Variants in ZNF831 observed in about 807,000 individuals in gnomAD.
ZNF831 encodes the protein zinc finger protein 831.
Under a neutral mutation model 95.8 loss-of-function variants are expected in ZNF831, and 59 were observed. That is an observed-to-expected ratio of 0.62 (90% CI 0.50 to 0.77). The LOEUF (loss-of-function observed/expected upper bound fraction) is 0.77. ZNF831 is among the 30% of genes least tolerant of loss of function. The pLI is 0.00. For synonymous variants in ZNF831, 961 were observed against 925.5 expected (o/e 1.04, Z -0.70); for missense variants, 2,205 against 2,164.0 (o/e 1.02, Z -0.38).
chr20:59,247,211 T>A (rs1987656998), intron 4 of ZNF831, among the ~76,000 whole-genome samples: 1 of 152,248 alleles, frequency 6.6e-6, no homozygotes, highest in African/African-American at 2.4e-5. Context: ...GATGATTTAC[T>A]GTGTGCATAG....
At chr20:59,238,726 T>C (rs900201361) in intron 4 of ZNF831, among the ~76,000 whole-genome samples, 1 of 152,208 alleles carries the variant, frequency 6.6e-6, no homozygotes, top group African/African-American at 2.4e-5. Flanking sequence ...CAAGATGAGA[T>C]CTTATATACA....
rs1988286234 is a variant in ZNF831 at position 59,258,621 on chromosome 20, G to C, written c.*3878G>C. The C allele has an allele frequency of 1.3e-5, 2 of 152,444 alleles. No individual in the cohort carries two copies. Among genetic ancestry groups the C allele is most frequent in the African/African-American group, 2.4e-5 (1 of 41,412 alleles). 9.4% of individuals were successfully genotyped at this position (152,444 alleles called of 1,614,324 possible). On this transcript the variant is annotated 3_prime_UTR_variant, in exon 6 of 6. Coordinates refer to ENST00000371030, the MANE Select transcript of ZNF831 (RefSeq NM_178457.3). ...ATATTTCTACTGCTGCAGCAAGCTG[G>C]GCTTGTGTATTTTTCCTCACTTCAG...
chr20:59,151,180 T>C (rs1980211198), intron 2 of ZNF831, among the ~76,000 whole-genome samples: 1 of 151,836 alleles, frequency 6.6e-6, no homozygotes, highest in African/African-American at 2.4e-5. Flanking sequence ...AGCATGGAGG[T>C]GGATGCCTAA....
intron 4 of ZNF831, among the ~76,000 whole-genome samples, chr20:59,218,595 G>GTT (rs200006323): frequency 5.6e-4 from 82 of 145,240 alleles, no homozygotes; most frequent in African/African-American, 1.9e-3. Flanking sequence ...TAGCGTGACT[G>GTT]TTTTTTTTTT....
intron 1 of ZNF831, among the ~76,000 whole-genome samples, chr20:59,183,953 G>A (rs1982815496): frequency 6.6e-6 from 1 of 152,158 alleles, no homozygotes; most frequent in Non-Finnish European, 1.5e-5. Flanking sequence ...TGTTCCATGA[G>A]TTTTGACAAA....
intron 1 of ZNF831, among the ~76,000 whole-genome samples, chr20:59,144,060 G>C (rs748764271): frequency 6.6e-6 from 1 of 152,170 alleles, no homozygotes; most frequent in Non-Finnish European, 1.5e-5. Flanking sequence ...TAAGCAAGAG[G>C]AGGCATTTTG....
At chr20:59,211,039 C>T (rs905513815) in intron 4 of ZNF831, among the ~76,000 whole-genome samples, 1 of 23,094 alleles carries the variant, frequency 4.3e-5, no homozygotes, top group Non-Finnish European at 6.9e-5. Flanking sequence ...GACTCCGTCT[C>T]AAAAAAAAAG....
chr20:59,254,633 C>T lies in ZNF831; in HGVS notation c.4924C>T (p.Pro1642Ser), dbSNP rs2146773105. ...PEQPIEIPEA[P>S]SKSLKKRSLE... ...GCAGCCCATAGAAATTCCTGAAGCC[C>T]CTTCTAAATCCCTCAAGAAGAGGAG... Residue 1642 changes from proline to serine, a missense_variant, in exon 6 of 6, where the codon CCT becomes TCT. Coordinates refer to ENST00000371030, the MANE Select transcript of ZNF831 (RefSeq NM_178457.3). The surrounding 1 kb of genome is among the most constrained non-coding windows in gnomAD (Gnocchi z 4.5). 6.2e-7 allele frequency: 1 copy of T among 1,614,058 alleles called. No individual in the cohort carries two copies. The highest frequency in any genetic ancestry group is 1.3e-5 in the African/African-American group (1 of 75,016).
Position 59,191,708 on chromosome 20 carries a change from G to T in ZNF831, c.689G>T (p.Gly230Val). Reference sequence around the variant, plus strand: ...GAGCCCCCCAGACCAGAGGGCAGGGGCGAGAGCAGGTGCCAGGGGATGCAC... The same window carrying T: ...GAGCCCCCCAGACCAGAGGGCAGGGTCGAGAGCAGGTGCCAGGGGATGCAC... ...AGEPPRPEGR[G>V]ESRCQGMHEG... Residue 230 changes from glycine to valine, a missense_variant, in exon 2 of 6, where the codon GGC (glycine) becomes GTC (valine). Transcript: ENST00000371030. 1.3e-6 allele frequency: 2 copies of T among 1,572,412 alleles called. No individual in the cohort carries two copies. The highest frequency in any genetic ancestry group is 1.7e-6 in the Non-Finnish European group (2 of 1,158,464).
intron 4 of ZNF831, among the ~76,000 whole-genome samples, chr20:59,210,200 T>A (rs1985195895): frequency 6.6e-6 from 1 of 152,238 alleles, no homozygotes; most frequent in Admixed American, 6.5e-5. Flanking sequence ...GCAGGAAAGT[T>A]CTATTATAAA....
intron 4 of ZNF831, among the ~76,000 whole-genome samples, chr20:59,212,967 G>T (rs974059793): frequency 1.3e-5 from 2 of 152,222 alleles, no homozygotes; most frequent in Non-Finnish European, 2.9e-5. Flanking sequence ...TTGGCAGCCT[G>T]CTGATTCACA....
intron 4 of ZNF831, among the ~76,000 whole-genome samples, chr20:59,219,481 A>T (rs1414873943): frequency 2.0e-5 from 3 of 152,172 alleles, no homozygotes; most frequent in Non-Finnish European, 4.4e-5. Context: ...GAGCTCGCTG[A>T]TATGATTAAG....
chr20:59,140,096 T>G (rs933138118), intron 1 of ZNF831, among the ~76,000 whole-genome samples: 13 of 152,214 alleles, frequency 8.5e-5, no homozygotes, highest in Admixed American at 5.2e-4. Context: ...GGCAGTGTAT[T>G]TTTCTTTCAC....
At chr20:59,185,820 C>A (rs541433303) in intron 1 of ZNF831, among the ~76,000 whole-genome samples, 3 of 152,172 alleles carry the variant, frequency 2.0e-5, no homozygotes, top group African/African-American at 7.2e-5. Context: ...CCATTATAAC[C>A]GGGGGATCAG....
chr20:59,182,985 G>C (rs1982738851), intron 1 of ZNF831, among the ~76,000 whole-genome samples: 1 of 152,220 alleles, frequency 6.6e-6, no homozygotes, highest in Non-Finnish European at 1.5e-5. Context: ...CATAAGGTAA[G>C]TTGTAATTTC....
chr20:59,191,271 G>A lies in ZNF831; in HGVS notation c.252G>A (p.Gly84=), dbSNP rs370779472. The A allele has an allele frequency of 1.6e-4, 242 of 1,559,608 alleles. 2 individuals carry two copies. The African/African-American group carries it at 3.0e-3, about 19-fold the overall frequency. ...RAPLVTGSLD[G]GNVPFILSPV... ...CGCTAGTGACGGGCAGCCTAGATGG[G>A]GGCAACGTGCCCTTCATACTCAGCC... Residue 84 remains glycine (G), a synonymous_variant, in exon 2 of 6, where the codon GGG becomes GGA. Transcript: ENST00000371030.
At chr20:59,204,068 A>C (rs531071046) in intron 3 of ZNF831, among the ~76,000 whole-genome samples, 1 of 152,322 alleles carries the variant, frequency 6.6e-6, no homozygotes, top group Admixed American at 6.5e-5. Context: ...GTGAAGCCCC[A>C]AGTGAATGGA....
upstream of ZNF831, among the ~76,000 whole-genome samples, chr20:59,158,893 A>G (rs905011497): frequency 6.6e-6 from 1 of 152,150 alleles, no homozygotes; most frequent in Non-Finnish European, 1.5e-5. Flanking sequence ...CATGACTAAG[A>G]AACGCAGGTG....
chr20:59,170,871 G>A (rs1031637370), intron 1 of ZNF831, among the ~76,000 whole-genome samples: 2 of 152,174 alleles, frequency 1.3e-5, no homozygotes, highest in Non-Finnish European at 1.5e-5. Flanking sequence ...GCAAACAATG[G>A]GCAACTTTCT....
Sources: gnomAD v4.1 joint callset for allele counts (sites outside exome capture counted in the v4.1 genomes callset) on GRCh38, gnomAD v4.1.1 for gene constraint, Gnocchi (gnomAD v3.1) non-coding constraint, MANE v1.5 for transcripts, NCBI Gene and HGNC (gene_info 2026-07-23, HGNC 2026-07-21) for gene names.